NLGN1: variants seen among roughly 807,000 people sequenced by gnomAD.
NLGN1 encodes the protein neuroligin 1.
In NLGN1, 12 loss-of-function variants were observed where a neutral mutation model predicts 65.5. That is an observed-to-expected ratio of 0.18 (90% CI 0.12 to 0.30). The LOEUF (loss-of-function observed/expected upper bound fraction) is 0.30, where lower values mean the gene tolerates loss of function less well. Ranked by LOEUF, NLGN1 falls within the 10% of genes least tolerant of loss-of-function variation. The pLI is 1.00. For missense variants in NLGN1, 750 were observed against 1,007.1 expected (o/e 0.74, Z 3.46); for synonymous variants, 350 against 359.5 (o/e 0.97, Z 0.30).
At chr3:174,031,748 A>G (rs562301837) in intron 4 of NLGN1, among the ~76,000 whole-genome samples, 2 of 152,232 alleles carry the variant, frequency 1.3e-5, no homozygotes, top group African/African-American at 4.8e-5. Flanking sequence ...GAGAAAATGT[A>G]GAGGAGGAAA....
intron 4 of NLGN1, among the ~76,000 whole-genome samples, chr3:174,181,778 T>TACACACACACACACAC (rs3035853): frequency 0.026 from 3,779 of 142,604 alleles, 60 homozygotes; most frequent in African/African-American, 0.037. Context: ...AAAATAAAAA[T>TACACACACACACACAC]ACACACACAC....
At chr3:174,036,584 G>GT (rs34399860) in intron 4 of NLGN1, among the ~76,000 whole-genome samples, 90,593 of 141,478 alleles carry the variant, frequency 0.64, 29,969 homozygotes, top group South Asian at 0.75. Context: ...GTTTTTTGTT[G>GT]TTTTTTTTTT....
intron 4 of NLGN1, among the ~76,000 whole-genome samples, chr3:174,144,676 G>A (rs1469549095): frequency 6.6e-6 from 1 of 152,140 alleles, no homozygotes; most frequent in Non-Finnish European, 1.5e-5. Context: ...GTGATGATGA[G>A]CTTTTTTTCA....
chr3:174,282,682 A>T (rs1751681110), exon 7 of NLGN1: 1 of 152,132 alleles, frequency 6.6e-6, no homozygotes, highest in African/African-American at 2.4e-5. Flanking sequence ...ACCTTTCCAA[A>T]TGTTTGTATA....
chr3:173,792,339 A>G (rs10513719), intron 3 of NLGN1, among the ~76,000 whole-genome samples: 104,764 of 152,028 alleles, frequency 0.69, 36,832 homozygotes, highest in Non-Finnish European at 0.76. Flanking sequence ...ATAATGCCAA[A>G]AAGTTAAGGT....
At chr3:173,858,610 C>T (rs1444557613) in intron 4 of NLGN1, among the ~76,000 whole-genome samples, 1 of 152,002 alleles carries the variant, frequency 6.6e-6, no homozygotes, top group Non-Finnish European at 1.5e-5. Flanking sequence ...CCATTGTAAA[C>T]ACACAACTTT....
At chr3:173,523,986 T>C (rs1243798773) in intron 2 of NLGN1, among the ~76,000 whole-genome samples, 1 of 147,784 alleles carries the variant, frequency 6.8e-6, no homozygotes, top group East Asian at 2.0e-4. Context: ...AGTGGCACGA[T>C]CTCGGCTCAC....
chr3:173,928,107 C>G (rs1377644223), intron 4 of NLGN1, among the ~76,000 whole-genome samples: 1 of 152,194 alleles, frequency 6.6e-6, no homozygotes, highest in African/African-American at 2.4e-5. Context: ...TTATTCTTAA[C>G]AACTTTAATA....
intron 3 of NLGN1, among the ~76,000 whole-genome samples, chr3:173,701,844 T>C (rs1767215187): frequency 6.6e-6 from 1 of 152,178 alleles, no homozygotes; most frequent in Admixed American, 6.5e-5. Context: ...AGAGATGAGA[T>C]GAATTGGGCT....
intron 4 of NLGN1, among the ~76,000 whole-genome samples, chr3:173,887,178 A>G (rs1270455875): frequency 6.6e-6 from 1 of 152,068 alleles, no homozygotes; most frequent in East Asian, 1.9e-4. Context: ...AAAAGCTTGT[A>G]GACACCACTG....
At chr3:173,415,281 A>G (rs1233764500) in intron 1 of NLGN1, among the ~76,000 whole-genome samples, 1 of 152,214 alleles carries the variant, frequency 6.6e-6, no homozygotes. Context: ...TACAGCTCCT[A>G]TTATATAGGG....
intron 2 of NLGN1, among the ~76,000 whole-genome samples, chr3:173,551,990 T>C (rs1161274853): frequency 6.6e-6 from 1 of 152,160 alleles, no homozygotes; most frequent in Non-Finnish European, 1.5e-5. Flanking sequence ...TGATAGAAAA[T>C]ACTCTTTGTA....
At chr3:174,068,086 C>CT (rs1380206155) in intron 4 of NLGN1, among the ~76,000 whole-genome samples, 2 of 151,988 alleles carry the variant, frequency 1.3e-5, no homozygotes, top group African/African-American at 4.8e-5. Context: ...CTTGCTTTGA[C>CT]TACTGGAAAT....
chr3:174,068,533 T>C (rs1739149890), intron 4 of NLGN1, among the ~76,000 whole-genome samples: 1 of 152,100 alleles, frequency 6.6e-6, no homozygotes. Flanking sequence ...GGACACCCAC[T>C]TTCTAAACCG....
chr3:174,274,492 C>G (rs759223372), intron 4 of NLGN1, among the ~76,000 whole-genome samples: 1 of 151,622 alleles, frequency 6.6e-6, no homozygotes, highest in African/African-American at 2.4e-5. Flanking sequence ...CAGTTCAGAT[C>G]CTTAAACTCT....
intron 4 of NLGN1, among the ~76,000 whole-genome samples, chr3:173,830,162 T>G (rs998509895): frequency 1.3e-5 from 2 of 152,178 alleles, no homozygotes; most frequent in Non-Finnish European, 2.9e-5. Context: ...CCAGTATGTA[T>G]TCATCGAGAT....
chr3:174,102,451 T>C (rs993385272), intron 4 of NLGN1, among the ~76,000 whole-genome samples: 6 of 152,176 alleles, frequency 3.9e-5, no homozygotes, highest in Non-Finnish European at 7.3e-5. Context: ...AGGGGTAGAA[T>C]TAGTTTTGAG....
chr3:173,814,182 C>T (rs1006042945), intron 4 of NLGN1, among the ~76,000 whole-genome samples: 2 of 152,204 alleles, frequency 1.3e-5, no homozygotes, highest in Non-Finnish European at 2.9e-5. Context: ...TTCATAAGTG[C>T]TCATAACTTC....
chr3:173,541,433 G>C lies in NLGN1; in HGVS notation c.-320-62846G>C, dbSNP rs117598915. Among the ~76,000 whole-genome samples the C allele has an allele frequency of 5.4e-3, 824 of 152,228 alleles. 20 individuals are homozygous for C. The South Asian group carries it at 0.059, about 11-fold the overall frequency. ...GGTGGTGCAAAAAAGAAGGTGAAGA[G>C]AGAGGGTAGGAACATTAATATCATT... is the stretch of plus-strand genomic sequence containing the variant. On this transcript the variant is annotated intron_variant, in intron 2 of 6. Transcript: ENST00000457714.
Sources: allele counts gnomAD v4.1 joint callset (sites outside exome capture counted in the v4.1 genomes callset), GRCh38; gene constraint gnomAD v4.1.1; transcripts MANE v1.5; gene names NCBI Gene and HGNC (gene_info 2026-07-23, HGNC 2026-07-21).